SLIT1: variants seen among roughly 807,000 people sequenced by gnomAD.
SLIT1 encodes the protein slit guidance ligand 1.
A neutral mutation model predicts 186.1 loss-of-function variants in SLIT1; 66 were observed. The observed-to-expected ratio is 0.35, with a 90% confidence interval of 0.29 to 0.44. SLIT1 has a LOEUF of 0.44. Ranked by LOEUF, SLIT1 falls within the 20% of genes least tolerant of loss-of-function variation. The pLI is 1.00. For missense variants in SLIT1, 1,638 were observed against 2,037.4 expected, an observed-to-expected ratio of 0.80 and a Z score of 3.77; for synonymous variants, 761 against 833.8, an observed-to-expected ratio of 0.91 and a Z score of 1.50.
At position 97,013,670 on chromosome 10, in the gene SLIT1, G is replaced by C. The variant is rs1393446796; in HGVS notation, c.3203+71C>G. 6.3e-6 allele frequency: 7 copies of C among 1,113,390 alleles called. No individual in the cohort carries two copies. In the African/African-American group the frequency reaches 1.1e-4, roughly 17 times the overall value. The allele number at this position is 1,113,390 out of a possible 1,614,324, so 69.0% of individuals were successfully genotyped here. ...TGAGGGAATGAGGGTGGGGCACGGAGCCCAGACTGGAATCCAGTCTGACTC... is the reference window on the plus strand; with the variant it reads ...TGAGGGAATGAGGGTGGGGCACGGACCCCAGACTGGAATCCAGTCTGACTC... On this transcript the variant is annotated intron_variant, in intron 30 of 36. Coordinates refer to ENST00000266058, the MANE Select transcript of SLIT1 (RefSeq NM_003061.3).
chr10:97,087,392 G>A (rs546446076), intron 4 of SLIT1, among the ~76,000 whole-genome samples: 4 of 152,054 alleles, frequency 2.6e-5, no homozygotes, highest in Non-Finnish European at 4.4e-5. Flanking sequence ...ACTTTTCCCC[G>A]TGGTCACCAG....
In SLIT1 at chr10:97,072,115, T is replaced by C. The variant is rs138515979; in HGVS notation, c.414-6029A>G. On this transcript the variant is annotated intron_variant, in intron 4 of 36. Coordinates refer to ENST00000266058, the MANE Select transcript of SLIT1 (RefSeq NM_003061.3). Reference sequence around the variant, plus strand: ...GCCTCACACAGGCCGGGGAGAGTGATGGGATAGAACAGAGAGGGCTGTGAT... The same window carrying C: ...GCCTCACACAGGCCGGGGAGAGTGACGGGATAGAACAGAGAGGGCTGTGAT... Among the ~76,000 whole-genome samples the C allele has an allele frequency of 6.0e-3, 908 of 152,198 alleles. 35 individuals carry two copies. The highest frequency in any genetic ancestry group is 0.054 in the Admixed American group (831 of 15,284).
intron 5 of SLIT1, 51 bp from the exon 6 acceptor site, chr10:97,064,927 G>T: frequency 6.8e-7 from 1 of 1,467,372 alleles, no homozygotes; most frequent in Non-Finnish European, 9.4e-7. Context: ...CCTAGAGTAA[G>T]GGTGTCCAAA....
chr10:97,181,510 G>A (rs185063313), intron 1 of SLIT1, among the ~76,000 whole-genome samples: 3 of 152,310 alleles, frequency 2.0e-5, no homozygotes, highest in Non-Finnish European at 4.4e-5. Flanking sequence ...CATGGAGATA[G>A]GGCAGGGTGG....
chr10:97,135,657 G>T (rs1849695709), intron 4 of SLIT1, among the ~76,000 whole-genome samples: 1 of 152,184 alleles, frequency 6.6e-6, no homozygotes, highest in African/African-American at 2.4e-5. Context: ...GCGCTCCCCA[G>T]CCCTCAGGGC....
At chr10:97,054,824 A>G (rs1356010744) in intron 13 of SLIT1, among the ~76,000 whole-genome samples, 1 of 152,244 alleles carries the variant, frequency 6.6e-6, no homozygotes, top group Non-Finnish European at 1.5e-5. Context: ...GAGGACACAT[A>G]GATAAACAGC....
At chr10:97,147,092 C>T (rs1305586827) in intron 4 of SLIT1, among the ~76,000 whole-genome samples, 1 of 151,884 alleles carries the variant, frequency 6.6e-6, no homozygotes, top group African/African-American at 2.4e-5. Context: ...TATTATCCAG[C>T]CATTAAAAAA....
At chr10:97,008,844 C>CA (rs1848385960) in intron 31 of SLIT1, among the ~76,000 whole-genome samples, 1 of 151,688 alleles carries the variant, frequency 6.6e-6, no homozygotes, top group Non-Finnish European at 1.5e-5. Context: ...ACAGCCAAAA[C>CA]AATCTTTTTT....
chr10:97,008,155 G>A (rs1848377566), intron 31 of SLIT1, among the ~76,000 whole-genome samples: 1 of 152,018 alleles, frequency 6.6e-6, no homozygotes, highest in South Asian at 2.1e-4. Flanking sequence ...AATGCTATTA[G>A]AATTAATGAA....
At chr10:97,038,563 C>G (rs1256002841) in intron 21 of SLIT1, among the ~76,000 whole-genome samples, 1 of 152,146 alleles carries the variant, frequency 6.6e-6, no homozygotes, top group African/African-American at 2.4e-5. Context: ...ATGCTCTGAA[C>G]CTCCCCCTCT....
intron 4 of SLIT1, among the ~76,000 whole-genome samples, chr10:97,076,291 G>A (rs903893029): frequency 6.6e-6 from 1 of 152,160 alleles, no homozygotes; most frequent in Non-Finnish European, 1.5e-5. Flanking sequence ...GCCAGGGAAT[G>A]GGAGACAGAC....
intron 4 of SLIT1, among the ~76,000 whole-genome samples, chr10:97,104,072 A>G (rs189584316): frequency 1.3e-5 from 2 of 152,078 alleles, no homozygotes; most frequent in Non-Finnish European, 2.9e-5. Flanking sequence ...TAGCGGGTGG[A>G]GGTGAGTACT....
intron 20 of SLIT1, 132 bp downstream of exon 20, chr10:97,042,769 C>A (rs1429522282): frequency 1.1e-6 from 1 of 937,696 alleles, no homozygotes; most frequent in Non-Finnish European, 1.6e-6. Context: ...GGCCTCCCCT[C>A]CCCACCTAAC....
intron 22 of SLIT1, 74 bp from the exon 23 acceptor site, chr10:97,034,616 C>T: frequency 7.6e-7 from 1 of 1,312,868 alleles, no homozygotes; most frequent in South Asian, 1.2e-5. Flanking sequence ...GCTTCTTCCC[C>T]TCCCTCACTC....
chr10:97,019,460 C>A (rs1848484061), intron 26 of SLIT1, among the ~76,000 whole-genome samples: 1 of 152,286 alleles, frequency 6.6e-6, no homozygotes, highest in African/African-American at 2.4e-5. Flanking sequence ...GTTGGCCAAC[C>A]CTTCCTCTTT....
intron 4 of SLIT1, among the ~76,000 whole-genome samples, chr10:97,156,001 A>G (rs948515531): frequency 6.6e-6 from 1 of 152,200 alleles, no homozygotes; most frequent in African/African-American, 2.4e-5. Context: ...AGACATTACC[A>G]CGGAGGCACC....
At chr10:97,097,643 GT>G (rs1849305639) in intron 4 of SLIT1, among the ~76,000 whole-genome samples, 1 of 152,200 alleles carries the variant, frequency 6.6e-6, no homozygotes, top group Admixed American at 6.5e-5. Context: ...GGTAGTGGGT[GT>G]TTTTTAAGTC....
intron 4 of SLIT1, among the ~76,000 whole-genome samples, chr10:97,075,374 GC>G (rs1039602082): frequency 2.7e-4 from 41 of 152,340 alleles, no homozygotes; most frequent in African/African-American, 9.4e-4. Context: ...GGCTGCCATT[GC>G]CCACACTTTA....
At chr10:97,108,785 G>A (rs1849437490) in intron 4 of SLIT1, among the ~76,000 whole-genome samples, 1 of 151,614 alleles carries the variant, frequency 6.6e-6, no homozygotes, top group South Asian at 2.1e-4. Context: ...CTAGTCGGGA[G>A]GCTGAGGCAG....
Sources: allele counts gnomAD v4.1 joint callset (sites outside exome capture counted in the v4.1 genomes callset), GRCh38; gene constraint gnomAD v4.1.1; transcripts MANE v1.5; gene names NCBI Gene and HGNC (gene_info 2026-07-23, HGNC 2026-07-21).